FBXL17: variants seen among roughly 807,000 people sequenced by gnomAD.
FBXL17 encodes the protein F-box/LRR-repeat protein 17.
In FBXL17, 22 loss-of-function variants were observed where a neutral mutation model predicts 66.2. That is an observed-to-expected ratio of 0.33 (90% CI 0.24 to 0.47). The LOEUF is 0.47. FBXL17 is among the 20% of genes least tolerant of loss of function. The pLI is 1.00. For synonymous variants in FBXL17, 474 were observed against 400.5 expected (o/e 1.18, Z -2.19); for missense variants, 878 against 948.2 (o/e 0.93, Z 0.97).
At chr5:108,376,072 T>G (rs1408302394) in intron 1 of FBXL17, among the ~76,000 whole-genome samples, 1 of 152,206 alleles carries the variant, frequency 6.6e-6, no homozygotes, top group Non-Finnish European at 1.5e-5. Flanking sequence ...GGACAAAATC[T>G]AATACCCTTT....
At chr5:108,361,160 G>A (rs886687811) in intron 3 of FBXL17, among the ~76,000 whole-genome samples, 1 of 151,998 alleles carries the variant, frequency 6.6e-6, no homozygotes, top group Non-Finnish European at 1.5e-5. Flanking sequence ...TGCATGCCTT[G>A]TAATTTATTG....
At chr5:108,333,921 C>T (rs1003625563) in intron 4 of FBXL17, among the ~76,000 whole-genome samples, 3 of 152,116 alleles carry the variant, frequency 2.0e-5, no homozygotes, top group South Asian at 2.1e-4. Context: ...AGACCTGCTA[C>T]GTGCCAAGCT....
chr5:108,310,221 A>C (rs1485652795), intron 4 of FBXL17, among the ~76,000 whole-genome samples: 1 of 152,182 alleles, frequency 6.6e-6, no homozygotes, highest in Non-Finnish European at 1.5e-5. Context: ...TAAGACCTCC[A>C]AGTGGACTTC....
intron 7 of FBXL17, among the ~76,000 whole-genome samples, chr5:107,899,568 T>TC: frequency 6.6e-6 from 1 of 152,262 alleles, no homozygotes. Flanking sequence ...GCCCAGGAGT[T>TC]CAAGGCTGCA....
chr5:108,194,021 TA>T (rs1488922285), intron 5 of FBXL17, among the ~76,000 whole-genome samples: 1 of 152,136 alleles, frequency 6.6e-6, no homozygotes, highest in Non-Finnish European at 1.5e-5. Context: ...CTAGCCAGAT[TA>T]ATCTTCTTGA....
At position 108,297,037 on chromosome 5, in the gene FBXL17, C is replaced by A. The variant is rs571998241; in HGVS notation, c.1506+51362G>T. Among the ~76,000 whole-genome samples the A allele has an allele frequency of 1.3e-5, 2 of 151,174 alleles. 1 individual carries two copies. ...TAGCATCATTTTCTGAAATAATAAA[C>A]CTAGCATGCATAGGTAACAATATAT... On this transcript the variant is annotated intron_variant, in intron 4 of 8. Coordinates refer to ENST00000542267, the MANE Select transcript of FBXL17 (RefSeq NM_001163315.3).
intron 6 of FBXL17, among the ~76,000 whole-genome samples, chr5:108,041,573 C>T (rs1236522177): frequency 2.0e-5 from 3 of 151,968 alleles, no homozygotes; most frequent in African/African-American, 7.2e-5. Flanking sequence ...CATGCCACCA[C>T]ATCTGGCTAA....
chr5:108,303,883 GA>G (rs954380638), intron 4 of FBXL17, among the ~76,000 whole-genome samples: 8 of 151,536 alleles, frequency 5.3e-5, no homozygotes, highest in South Asian at 2.1e-4. Flanking sequence ...AATTTCAAGT[GA>G]AAAAAAATTC....
At chr5:108,319,507 T>C (rs1365513394) in intron 4 of FBXL17, among the ~76,000 whole-genome samples, 2 of 151,802 alleles carry the variant, frequency 1.3e-5, no homozygotes, top group African/African-American at 4.8e-5. Context: ...TATAAAACAT[T>C]TGAAATAATA....
intron 7 of FBXL17, among the ~76,000 whole-genome samples, chr5:107,946,730 A>C (rs1048459295): frequency 6.6e-6 from 1 of 152,078 alleles, no homozygotes; most frequent in Non-Finnish European, 1.5e-5. Flanking sequence ...TTATCAAATG[A>C]AAACAGTAAT....
At chr5:108,185,563 G>T (rs1202646843) in intron 6 of FBXL17, among the ~76,000 whole-genome samples, 1 of 152,038 alleles carries the variant, frequency 6.6e-6, no homozygotes, top group Non-Finnish European at 1.5e-5. Context: ...TTATGGTAAT[G>T]CTAGAATGGG....
chr5:108,105,229 G>A (rs1245447260), intron 6 of FBXL17, among the ~76,000 whole-genome samples: 1 of 152,162 alleles, frequency 6.6e-6, no homozygotes, highest in African/African-American at 2.4e-5. Flanking sequence ...GAGAAGAGAA[G>A]GCTTCTTGGA....
intron 4 of FBXL17, among the ~76,000 whole-genome samples, chr5:108,292,151 C>T (rs140712767): frequency 0.025 from 3,700 of 145,710 alleles, 149 homozygotes; most frequent in African/African-American, 0.089. Context: ...GAGACAGTTT[C>T]GCTTTTGTTG....
At chr5:108,162,996 T>G (rs1312874439) in intron 6 of FBXL17, among the ~76,000 whole-genome samples, 1 of 152,148 alleles carries the variant, frequency 6.6e-6, no homozygotes, top group African/African-American at 2.4e-5. Flanking sequence ...TAAAAATGAT[T>G]TTAAAAAATA....
chr5:108,046,068 T>C (rs1747243517), intron 6 of FBXL17, among the ~76,000 whole-genome samples: 1 of 152,232 alleles, frequency 6.6e-6, no homozygotes, highest in Admixed American at 6.5e-5. Flanking sequence ...TGTCTCCAAC[T>C]ACAACTGTAG....
intron 7 of FBXL17, among the ~76,000 whole-genome samples, chr5:107,967,469 G>T (rs1185841107): frequency 3.4e-5 from 5 of 145,632 alleles, no homozygotes; most frequent in South Asian, 4.5e-4. Context: ...CTCATAGGTG[G>T]GAACTGAACA....
At chr5:108,165,153 T>C (rs940174289) in intron 6 of FBXL17, among the ~76,000 whole-genome samples, 2 of 152,206 alleles carry the variant, frequency 1.3e-5, no homozygotes, top group African/African-American at 4.8e-5. Context: ...AATAAGAGAT[T>C]TGTTAAATAC....
At chr5:108,246,933 C>T (rs1473087791) in intron 4 of FBXL17, among the ~76,000 whole-genome samples, 2 of 152,118 alleles carry the variant, frequency 1.3e-5, no homozygotes, top group African/African-American at 4.8e-5. Flanking sequence ...GTAATTTGTA[C>T]TTACCTAATA....
At chr5:108,157,851 T>C (rs1752052963) in intron 6 of FBXL17, among the ~76,000 whole-genome samples, 1 of 152,060 alleles carries the variant, frequency 6.6e-6, no homozygotes, top group Non-Finnish European at 1.5e-5. Context: ...ATACCACCTT[T>C]CAACCCTAAC....
Sources: allele counts gnomAD v4.1 joint callset (sites outside exome capture counted in the v4.1 genomes callset), GRCh38; gene constraint gnomAD v4.1.1; transcripts MANE v1.5; gene names NCBI Gene and HGNC (gene_info 2026-07-23, HGNC 2026-07-21).